Variants in JRK observed in about 807,000 individuals in gnomAD.
The protein encoded by JRK is Jrk helix-turn-helix protein, also known as jerky protein homolog.
For missense variants in JRK, 720 were observed against 509.2 expected (o/e 1.41, Z -3.98); for synonymous variants, 303 against 218.1 (o/e 1.39, Z -3.43).
chr8:142,649,908 C>G, the JRK span, among the ~76,000 whole-genome samples: 1 of 152,270 alleles, frequency 6.6e-6, no homozygotes, highest in Non-Finnish European at 1.5e-5. Flanking sequence ...GATCCACAAA[C>G]AGCTTGCACC....
chr8:142,665,643 A>G lies in JRK; in HGVS notation c.416T>C (p.Phe139Ser). The part of the protein sequence containing the change: ...CVFSGGWLWR[F>S]KARHGIKKLD... ...CTTTTTAATGCCGTGTCTGGCCTTA[A>G]AGCGCCAAAGCCACCCTCCGGAGAA... The change falls in exon 2 of 2, where the codon TTT (phenylalanine) becomes TCT (serine). Residue 139 changes from phenylalanine to serine, a missense_variant. Phe to Ser is a radical substitution (Grantham distance 155, BLOSUM62 -2). Transcript: ENST00000612905. 2.8e-6 allele frequency: 2 copies of G among 718,862 alleles called. No individual in the cohort carries two copies. The highest frequency in any genetic ancestry group is 1.5e-5 in the South Asian group (1 of 67,660). 44.5% of individuals were successfully genotyped at this position (718,862 alleles called of 1,614,324 possible).
the JRK span, among the ~76,000 whole-genome samples, chr8:142,646,247 C>T: frequency 6.6e-6 from 1 of 152,214 alleles, no homozygotes; most frequent in East Asian, 1.9e-4. Flanking sequence ...ACCTAACTGA[C>T]TCCATCTTGC....
rs1331152438 is a variant in JRK, at chr8:142,663,701, C to T, written c.*651G>A. On this transcript the variant is annotated 3_prime_UTR_variant, in exon 2 of 2. Coordinates refer to ENST00000612905, the MANE Select transcript of JRK (RefSeq NM_003724.4). ...GCCCCCCAACATCTTGGGGCCAGAG[C>T]CCATGGGACAGGATCTGCGGGTAAC... is the stretch of plus-strand genomic sequence containing the variant. The T allele has an allele frequency of 2.2e-5, 22 of 985,368 alleles. No homozygotes were observed. The highest frequency in any genetic ancestry group is 2.7e-5 in the Non-Finnish European group (22 of 829,966). The allele number at this position is 985,368 out of a possible 1,614,324, so 61.0% of individuals were successfully genotyped here.
Position 142,664,692 on chromosome 8 carries a change from G to T in JRK, c.1367C>A (p.Thr456Lys). 6.2e-7 allele frequency: 1 copy of T among 1,609,526 alleles called. No homozygotes were observed. The highest frequency in any genetic ancestry group is 8.5e-7 in the Non-Finnish European group (1 of 1,178,444). The change falls in exon 2 of 2, where the codon ACG (threonine) becomes AAG (lysine). Residue 456 changes from threonine (T) to lysine (K), a missense_variant. By Grantham distance (78) the Thr-to-Lys change is moderately conservative. Transcript: ENST00000612905. ...ACTCCACACAACCTCTGCTGGCGAC[G>T]TGGCAGCAGGGGGCCGTCCCCCTTC... is the stretch of plus-strand genomic sequence containing the variant. ...EAEGGRPPAA[T>K]SPAEVVWSSE...
rs189400124 is a variant in JRK, at chr8:142,666,302, G to A, written c.-244C>T. The A allele has an allele frequency of 1.6e-5, 10 of 624,768 alleles. No individual in the cohort carries two copies. The East Asian group carries it at 2.9e-4, about 18-fold the overall frequency. The allele number at this position is 624,768 out of a possible 1,614,324, so 38.7% of individuals were successfully genotyped here. A position where few individuals can be genotyped will look rare whatever the true frequency, so the allele number is the denominator to read the frequency against. On this transcript the variant is annotated 5_prime_UTR_variant, in exon 2 of 2. Coordinates refer to ENST00000612905, the MANE Select transcript of JRK (RefSeq NM_003724.4). ...CCACACACCTAGGCCTTGGCTCCTG[G>A]CAGTGCAGTCAGCTGCCAATTCTCT...
the JRK span, among the ~76,000 whole-genome samples, chr8:142,647,886 T>C: frequency 0.035 from 5,352 of 152,352 alleles, 118 homozygotes; most frequent in Non-Finnish European, 0.053. Context: ...AGACACTTGC[T>C]GAATGGCTTT....
chr8:142,666,716 T>C (rs782203281), intron 1 of JRK, among the ~76,000 whole-genome samples, 196 bp from the exon 2 acceptor site: 7 of 152,286 alleles, frequency 4.6e-5, no homozygotes, highest in Admixed American at 3.3e-4. Context: ...CTGCACGTGC[T>C]GCTCAGGTGG....
At position 142,662,589 on chromosome 8, in the gene JRK, CT is replaced by C. The variant is rs1266423053; in HGVS notation, c.*1762del. ...ACCGAGATCTTTAAAAACTATTTGG[CT>C]TTTATAATCTTCACACATGCATTCA... On this transcript the variant is annotated 3_prime_UTR_variant, in exon 2 of 2. Coordinates refer to ENST00000612905, the MANE Select transcript of JRK (RefSeq NM_003724.4). 122 of 985,396 alleles carry C rather than the reference CT, an allele frequency of 1.2e-4. No homozygotes were observed. The highest frequency in any genetic ancestry group is 1.2e-3 in the Admixed American group (20 of 16,280). The allele number at this position is 985,396 out of a possible 1,614,324, so 61.0% of individuals were successfully genotyped here. A position where few individuals can be genotyped will look rare whatever the true frequency, so the allele number is the denominator to read the frequency against.
chr8:142,652,618 C>G (rs1374139930), downstream of JRK, among the ~76,000 whole-genome samples: 1 of 152,170 alleles, frequency 6.6e-6, no homozygotes, highest in Non-Finnish European at 1.5e-5. Flanking sequence ...CCCCTCCCCA[C>G]CGAACTTGAA....
chr8:142,653,952 C>T (rs1021689894), downstream of JRK, among the ~76,000 whole-genome samples: 5 of 152,186 alleles, frequency 3.3e-5, no homozygotes, highest in Non-Finnish European at 7.3e-5. Flanking sequence ...TCAACTCTTT[C>T]TCTACTGCAA....
At position 142,658,742 on chromosome 8, in the gene JRK, C is replaced by T; in HGVS notation, c.*5610G>A. On this transcript the variant is annotated 3_prime_UTR_variant, in exon 2 of 2. Transcript: ENST00000612905. The stretch of plus-strand genomic sequence containing the variant: ...GGACACAAACATGCAGTCCTTAACA[C>T]CATCGTCATGGAGATGGAGGCCACA... 1 of 1,492,834 alleles carries T rather than the reference C, an allele frequency of 6.7e-7. No homozygotes were observed. The highest frequency in any genetic ancestry group is 9.0e-7 in the Non-Finnish European group (1 of 1,117,282). The allele number at this position is 1,492,834 out of a possible 1,614,324, so 92.5% of individuals were successfully genotyped here.
intron 1 of JRK, among the ~76,000 whole-genome samples, chr8:142,669,076 A>G (rs899715086): frequency 6.6e-6 from 1 of 152,050 alleles, no homozygotes; most frequent in Admixed American, 6.5e-5. Flanking sequence ...CTGAGGGGCC[A>G]GCGCTGGGGC....
At chr8:142,667,573 T>C (rs1847171968) in intron 1 of JRK, among the ~76,000 whole-genome samples, 1 of 152,186 alleles carries the variant, frequency 6.6e-6, no homozygotes, top group East Asian at 1.9e-4. Flanking sequence ...GGAGGCTCTA[T>C]GAACAAATGA....
the JRK span, among the ~76,000 whole-genome samples, chr8:142,648,726 T>C: frequency 1.3e-5 from 2 of 151,766 alleles, no homozygotes; most frequent in Non-Finnish European, 2.9e-5. Flanking sequence ...CCATGCAGAG[T>C]CCCTACTGGG....
Position 142,661,516 on chromosome 8 carries a change from A to G in JRK, c.*2836T>C, listed in dbSNP as rs1299261642. 1 of 985,378 alleles carries G rather than the reference A, an allele frequency of 1.0e-6. No individual in the cohort carries two copies. The highest frequency in any genetic ancestry group is 1.2e-6 in the Non-Finnish European group (1 of 829,974). The allele number at this position is 985,378 out of a possible 1,614,324, so 61.0% of individuals were successfully genotyped here. ...AGCAGCCACAGAGGTCCCAAACCAT[A>G]TGACGCAGCACCTGCTACCCCACGA... On this transcript the variant is annotated 3_prime_UTR_variant, in exon 2 of 2. Coordinates refer to ENST00000612905, the MANE Select transcript of JRK (RefSeq NM_003724.4).
rs1297431274 is a variant in JRK at position 142,660,452 on chromosome 8, C to T, written c.*3900G>A. On this transcript the variant is annotated 3_prime_UTR_variant, in exon 2 of 2. Coordinates refer to ENST00000612905, the MANE Select transcript of JRK (RefSeq NM_003724.4). ...TAGGTCTCTCACTCTGTCACCCAGG[C>T]TGGAGTGCAGAGGCCATAACTCACT... 4 of 978,308 alleles carry T rather than the reference C, an allele frequency of 4.1e-6. No individual in the cohort carries two copies. Among genetic ancestry groups the T allele is most frequent in the Non-Finnish European group, 4.9e-6 (4 of 823,516 alleles). The allele number at this position is 978,308 out of a possible 1,614,324, so 60.6% of individuals were successfully genotyped here.
chr8:142,651,281 G>A, the JRK span, among the ~76,000 whole-genome samples: 2 of 151,466 alleles, frequency 1.3e-5, no homozygotes, highest in Admixed American at 1.3e-4. Flanking sequence ...TAAAAAAAAA[G>A]TTTTAAAATC....
the JRK span, among the ~76,000 whole-genome samples, chr8:142,649,761 AC>A: frequency 0.08 from 12,188 of 152,288 alleles, 695 homozygotes; most frequent in Non-Finnish European, 0.12. Flanking sequence ...CAGGGGCAGG[AC>A]CCTCATGGAG....
rs909423412 is a variant in JRK at position 142,666,154 on chromosome 8, C to T, written c.-96G>A. 1.7e-5 allele frequency: 27 copies of T among 1,545,518 alleles called. No homozygotes were observed. The highest frequency in any genetic ancestry group is 4.1e-5 in the African/African-American group (3 of 72,960). The stretch of plus-strand genomic sequence containing the variant: ...TCCTCCTGCTCCCCTTCTGGGGCTC[C>T]GTCTCTCCCTCTCCACTCTGCCTGC... On this transcript the variant is annotated 5_prime_UTR_variant, in exon 2 of 2. Coordinates refer to ENST00000612905, the MANE Select transcript of JRK (RefSeq NM_003724.4).
Sources: gnomAD v4.1 joint callset for allele counts (sites outside exome capture counted in the v4.1 genomes callset) on GRCh38, gnomAD v4.1.1 for gene constraint, MANE v1.5 for transcripts, NCBI Gene and HGNC (gene_info 2026-07-23, HGNC 2026-07-21) for gene names.